Variants in POLE2 observed in about 807,000 individuals in gnomAD.
The protein encoded by POLE2 is DNA polymerase epsilon 2, accessory subunit, also known as DNA polymerase epsilon subunit 2.
A neutral mutation model predicts 79.4 loss-of-function variants in POLE2; 56 were observed. The ratio of observed to expected loss-of-function variants is 0.71; its 90% CI spans 0.57 to 0.88. The LOEUF (loss-of-function observed/expected upper bound fraction) is 0.88. Among genes scored for constraint, POLE2 ranks in the 40% least tolerant of loss-of-function variants. POLE2 has a pLI of 0.00. For synonymous variants in POLE2, 212 were observed against 214.0 expected (o/e 0.99, Z 0.08); for missense variants, 598 against 638.9 (o/e 0.94, Z 0.69).
At position 49,655,584 on chromosome 14, in the gene POLE2, C is replaced by T. The variant is rs910089885; in HGVS notation, c.928+87G>A. 3 of 860,366 alleles carry T rather than the reference C, an allele frequency of 3.5e-6. No individual in the cohort carries two copies. The Admixed American group carries it at 7.8e-5, about 22-fold the overall frequency. The allele number at this position is 860,366 out of a possible 1,614,324, so 53.3% of individuals were successfully genotyped here. A position where few individuals can be genotyped will look rare whatever the true frequency, so the allele number is the denominator to read the frequency against. ...ACTCTGTTTTTTTTTAAATAGAATA[C>T]TCAAAAAGATAAATAGAATACTCAA... On this transcript the variant is annotated intron_variant, in intron 11 of 18. Transcript: ENST00000216367.
intron 10 of POLE2, among the ~76,000 whole-genome samples, chr14:49,662,711 C>T (rs919167003): frequency 6.6e-6 from 1 of 152,182 alleles, no homozygotes; most frequent in African/African-American, 2.4e-5. Context: ...AGTTTTTATA[C>T]ACTGGAAACT....
chr14:49,656,138 G>C (rs536660801), intron 10 of POLE2, among the ~76,000 whole-genome samples: 2 of 151,982 alleles, frequency 1.3e-5, no homozygotes, highest in Non-Finnish European at 2.9e-5. Context: ...GGCGGATCAC[G>C]AGGTCAGGAG....
At chr14:49,644,601 C>T (rs900738673) in intron 18 of POLE2, among the ~76,000 whole-genome samples, 3 of 151,968 alleles carry the variant, frequency 2.0e-5, no homozygotes, top group Admixed American at 2.0e-4. Flanking sequence ...GGATATTATG[C>T]ATACTTTCTA....
At chr14:49,663,416 G>T (rs1308638869) in intron 9 of POLE2, 29 bp from the exon 10 acceptor site, 4 of 1,498,232 alleles carry the variant, frequency 2.7e-6, no homozygotes, top group Non-Finnish European at 3.7e-6. Flanking sequence ...ACTTTCATTT[G>T]TCTAATCCTC....
chr14:49,666,497 G>A, intron 6 of POLE2, 84 bp from the exon 7 acceptor site: 1 of 522,804 alleles, frequency 1.9e-6, no homozygotes, highest in Non-Finnish European at 3.3e-6. Flanking sequence ...TATATTTGGG[G>A]TATACATTTC....
chr14:49,646,092 T>A (rs1041768384), intron 18 of POLE2, among the ~76,000 whole-genome samples: 2 of 152,096 alleles, frequency 1.3e-5, no homozygotes, highest in South Asian at 4.1e-4. Context: ...CGTAGACAAG[T>A]GGGCTGGAAA....
chr14:49,663,426 CTA>C (rs1265977392), intron 9 of POLE2, 39 bp from the exon 10 acceptor site: 1 of 1,433,596 alleles, frequency 7.0e-7, no homozygotes, highest in Non-Finnish European at 9.8e-7. Flanking sequence ...GTCTAATCCT[CTA>C]TGTTTGAAAG....
intron 4 of POLE2, 59 bp downstream of exon 4, chr14:49,674,291 C>T (rs1012394673): frequency 1.4e-6 from 2 of 1,452,266 alleles, no homozygotes; most frequent in African/African-American, 1.4e-5. Flanking sequence ...AGAGACTATA[C>T]CTTCTGAAAA....
chr14:49,679,444 A>T, intron 3 of POLE2: 2 of 315,378 alleles, frequency 6.3e-6, no homozygotes, highest in Non-Finnish European at 5.8e-6. Flanking sequence ...CATTTGTAGC[A>T]TACAGAATAA....
At position 49,677,325 on chromosome 14, in the gene POLE2, G is replaced by A. The variant is rs114263308; in HGVS notation, c.245+2400C>T. ...GGAATGGAGAGAAAGGCCGAAGGAC[G>A]ATGGCAACTTCCTGACTTAGGATCA... On this transcript the variant is annotated intron_variant, in intron 3 of 18. Transcript: ENST00000216367. The A allele has an allele frequency of 2.9e-3, 1,525 of 528,384 alleles. 25 individuals carry two copies. The highest frequency in any genetic ancestry group is 0.026 in the African/African-American group (1,346 of 52,282). 32.7% of individuals were successfully genotyped at this position (528,384 alleles called of 1,614,324 possible). A position where few individuals can be genotyped will look rare whatever the true frequency, so the allele number is the denominator to read the frequency against.
chr14:49,643,594 T>A lies in POLE2; in HGVS notation c.*58A>T. On this transcript the variant is annotated 3_prime_UTR_variant, in exon 19 of 19. Coordinates refer to ENST00000216367, the MANE Select transcript of POLE2 (RefSeq NM_002692.4). The stretch of plus-strand genomic sequence containing the variant: ...ATTTTATTGTAATATCAGAATCACA[T>A]AAGATATAGAGTTAAGCAGAAAACT... 3.4e-6 allele frequency: 3 copies of A among 879,256 alleles called. No homozygotes were observed. In the East Asian group the frequency reaches 7.7e-5, roughly 23 times the overall value. The allele number at this position is 879,256 out of a possible 1,614,324, so 54.5% of individuals were successfully genotyped here. A position where few individuals can be genotyped will look rare whatever the true frequency, so the allele number is the denominator to read the frequency against.
intron 1 of POLE2, among the ~76,000 whole-genome samples, chr14:49,685,289 T>C (rs1448446970): frequency 6.6e-6 from 1 of 152,236 alleles, no homozygotes; most frequent in African/African-American, 2.4e-5. Context: ...AAATTTATTA[T>C]AGATAACTGA....
chr14:49,685,311 T>C (rs1360212629), intron 1 of POLE2, among the ~76,000 whole-genome samples: 2 of 152,232 alleles, frequency 1.3e-5, no homozygotes, highest in Non-Finnish European at 2.9e-5. Flanking sequence ...AACTGAATTA[T>C]AGATAACTTT....
In POLE2 at chr14:49,674,104, C is replaced by T. The variant is rs533801998; in HGVS notation, c.417+19G>A. 63 of 1,396,294 alleles carry T rather than the reference C, an allele frequency of 4.5e-5. No homozygotes were observed. Among genetic ancestry groups the T allele is most frequent in the East Asian group, 3.6e-4 (16 of 43,876 alleles). 86.5% of individuals were successfully genotyped at this position (1,396,294 alleles called of 1,614,324 possible). On this transcript the variant is annotated intron_variant, in intron 5 of 18. Transcript: ENST00000216367. ...TCATTTTACCCAGTATCCTCCCCTC[C>T]GCCCCCTACCAAACTTACCTGGTGC...
intron 7 of POLE2, among the ~76,000 whole-genome samples, chr14:49,665,487 G>A (rs1224828473): frequency 2.0e-5 from 3 of 152,074 alleles, no homozygotes. Flanking sequence ...AAGGGACCAG[G>A]ACATACTCTG....
At chr14:49,671,435 A>AGTGAAACCCAT (rs1885881884) in intron 5 of POLE2, among the ~76,000 whole-genome samples, 1 of 151,824 alleles carries the variant, frequency 6.6e-6, no homozygotes, top group African/African-American at 2.4e-5. Context: ...TGGCTAACAC[A>AGTGAAACCCAT]GTGAAACCCA....
chr14:49,662,302 C>CTTG lies in POLE2; in HGVS notation c.755+1010_755+1012dup, dbSNP rs561316162. On this transcript the variant is annotated intron_variant, in intron 10 of 18. Transcript: ENST00000216367. Reference sequence around the variant, plus strand: ...ATACAGGCATACTAAAACTAAAATCCTTGTTGTTGTTGTTGAGACGGAGTC... The same window carrying CTTG: ...ATACAGGCATACTAAAACTAAAATCCTTGTTGTTGTTGTTGTTGAGACGGAGTC... 1.2e-3 allele frequency among the ~76,000 whole-genome samples: 180 copies of CTTG among 152,324 alleles called. 1 individual carries two copies. Among genetic ancestry groups the CTTG allele is most frequent in the African/African-American group, 4.0e-3 (168 of 41,568 alleles).
At chr14:49,662,322 G>A (rs1416475823) in intron 10 of POLE2, among the ~76,000 whole-genome samples, 2 of 152,196 alleles carry the variant, frequency 1.3e-5, no homozygotes, top group African/African-American at 2.4e-5. Context: ...TTGTTGAGAC[G>A]GAGTCTCGCT....
At chr14:49,679,603 C>A in intron 3 of POLE2, 122 bp downstream of exon 3, 1 of 552,834 alleles carries the variant, frequency 1.8e-6, no homozygotes. Flanking sequence ...AAAAGACACA[C>A]AGAAATAACA....
Sources: allele counts gnomAD v4.1 joint callset (sites outside exome capture counted in the v4.1 genomes callset), GRCh38; gene constraint gnomAD v4.1.1; transcripts MANE v1.5; gene names NCBI Gene and HGNC (gene_info 2026-07-23, HGNC 2026-07-21).